The following DAB1 variants were observed in gnomAD, a reference collection of about 807,000 sequenced individuals.
DAB1 encodes DAB adaptor protein 1.
Under a neutral mutation model 64.6 loss-of-function variants are expected in DAB1, and 15 were observed. The ratio of observed to expected loss-of-function variants is 0.23; its 90% CI spans 0.16 to 0.36. DAB1 has a LOEUF of 0.36. DAB1 is among the 10% of genes least tolerant of loss of function. The probability of loss-of-function intolerance (pLI) is 1.00; values close to 1 mark genes in which losing one functional copy is unlikely to be tolerated. For synonymous variants in DAB1, 235 were observed against 251.9 expected (o/e 0.93, Z 0.64); for missense variants, 596 against 706.7 (o/e 0.84, Z 1.78).
At chr1:57,398,930 A>AT (rs1371643021) in intron 1 of DAB1, among the ~76,000 whole-genome samples, 2 of 151,916 alleles carry the variant, frequency 1.3e-5, no homozygotes, top group Non-Finnish European at 2.9e-5. Context: ...AGGGTTTTGA[A>AT]TGTGTGCTCT....
intron 3 of DAB1, among the ~76,000 whole-genome samples, chr1:58,495,834 A>T (rs1645791316): frequency 6.6e-6 from 1 of 152,240 alleles, no homozygotes; most frequent in East Asian, 1.9e-4. Context: ...TTAGGAGGAA[A>T]GAAATATCTT....
upstream of DAB1, among the ~76,000 whole-genome samples, chr1:57,886,343 G>A (rs974714787): frequency 2.0e-5 from 3 of 152,066 alleles, no homozygotes; most frequent in African/African-American, 7.3e-5. Flanking sequence ...GTTTTTAGTA[G>A]AGACTGGGTT....
At chr1:57,781,124 C>CTATA (rs1650069598) in intron 6 of DAB1, among the ~76,000 whole-genome samples, 6 of 38,892 alleles carry the variant, frequency 1.5e-4, no homozygotes, top group Non-Finnish European at 2.0e-4. Context: ...CTCTCTCTCT[C>CTATA]TCTATATATA....
chr1:57,425,828 C>G (rs2101105295), upstream of DAB1, among the ~76,000 whole-genome samples: 1 of 152,222 alleles, frequency 6.6e-6, no homozygotes, highest in Middle Eastern at 3.4e-3. Context: ...TACAAGTTTT[C>G]CAAAGTTCTA....
Position 58,403,069 on chromosome 1 carries a change from CTCAGAGACAGAGACTAGGAT to C in DAB1, n.258-59686_258-59667del, listed in dbSNP as rs559224874. On this transcript the variant is annotated intron_variant and non_coding_transcript_variant, in intron 3 of 20. Coordinates refer to the DAB1 transcript ENST00000485760. The stretch of plus-strand genomic sequence containing the variant: ...CTTAACAAAAACAGGGAATTTCGAC[CTCAGAGACAGAGACTAGGAT>C]TCATTGCAGTTGAGTTGTGTTAAAG... Among the ~76,000 whole-genome samples the C allele has an allele frequency of 1.2e-3, 190 of 152,232 alleles. 3 individuals carry two copies. Among genetic ancestry groups the C allele is most frequent in the Non-Finnish European group, 2.0e-3 (136 of 68,014 alleles).
intron 1 of DAB1, among the ~76,000 whole-genome samples, chr1:57,362,300 A>G (rs1194442877): frequency 2.0e-5 from 3 of 151,978 alleles, no homozygotes; most frequent in Non-Finnish European, 4.4e-5. Flanking sequence ...AGAGACTAAC[A>G]CACAACATGT....
At chr1:57,136,511 AT>A in intron 4 of DAB1, 31 bp downstream of exon 4, 1 of 1,325,488 alleles carries the variant, frequency 7.5e-7, no homozygotes. Context: ...AATGGATAAA[AT>A]TTCACAATGC....
In DAB1 at chr1:57,002,536, G is replaced by A. The variant is rs540956700; in HGVS notation, c.*16-4408C>T. 5.8e-4 allele frequency among the ~76,000 whole-genome samples: 88 copies of A among 152,302 alleles called. 3 individuals are homozygous for A. In the South Asian group the frequency reaches 6.4e-3, roughly 11 times the overall value. On this transcript the variant is annotated intron_variant, in intron 14 of 14. Coordinates refer to ENST00000371236, the MANE Select transcript of DAB1 (RefSeq NM_001365792.1). ...CCAACAATACTTATCTGGAAGGCAA[G>A]AAGAACAGAGCAAGGCTGAAACCAG...
At chr1:57,885,203 CT>C (rs1257060065), upstream of DAB1, among the ~76,000 whole-genome samples, 4 of 152,114 alleles carry the variant, frequency 2.6e-5, no homozygotes, top group Non-Finnish European at 5.9e-5. Context: ...TTAAGCATAG[CT>C]TTTAGTTTTT....
Position 57,226,652 on chromosome 1 carries a change from T to C in DAB1, c.67+64312A>G, listed in dbSNP as rs144103815. ...CAAAAAGCAAGTCAGATCCTGTCAC[T>C]CAAAAGTGGTTAAAAAAAAAATATA... On this transcript the variant is annotated intron_variant, in intron 2 of 14. Coordinates refer to ENST00000371236, the MANE Select transcript of DAB1 (RefSeq NM_001365792.1). Among the ~76,000 whole-genome samples, 234 of 112,998 alleles carry C rather than the reference T, an allele frequency of 2.1e-3. 2 individuals carry two copies. Among genetic ancestry groups the C allele is most frequent in the African/African-American group, 9.3e-3 (217 of 23,290 alleles). The allele number at this position is 112,998 out of a possible 152,430, so 74.1% of individuals were successfully genotyped here. A position where few individuals can be genotyped will look rare whatever the true frequency, so the allele number is the denominator to read the frequency against.
chr1:57,015,101 T>C lies in DAB1; in HGVS notation c.1226A>G (p.Lys409Arg). 6 of 1,614,212 alleles carry C rather than the reference T, an allele frequency of 3.7e-6. No homozygotes were observed. Among genetic ancestry groups the C allele is most frequent in the Non-Finnish European group, 5.1e-6 (6 of 1,180,044 alleles). ...ATCCTTAAACGTTTCTTTGCCCATT[T>C]TCTGCCTGGGCTTGTCGGTCTGTGG... Reference protein sequence around the residue: ...SSPQTDKPRQKMGKETFKDFQ... With the variant: ...SSPQTDKPRQRMGKETFKDFQ... The change falls in exon 12 of 15, where the codon AAA becomes AGA. Residue 409 changes from lysine (K) to arginine (R), a missense_variant. Lys to Arg is a conservative substitution (Grantham distance 26). Coordinates refer to ENST00000371236, the MANE Select transcript of DAB1 (RefSeq NM_001365792.1).
chr1:58,538,769 G>A (rs1646558061), intron 1 of DAB1: 1 of 727,392 alleles, frequency 1.4e-6, no homozygotes, highest in Non-Finnish European at 2.3e-6. Context: ...TAATATAAAA[G>A]TTTTTATTCT....
In DAB1 at chr1:58,514,277, A is replaced by G. The variant is rs1247902140; in HGVS notation, n.108-8068T>C. Among the ~76,000 whole-genome samples the G allele has an allele frequency of 2.0e-5, 3 of 152,336 alleles. No homozygotes were observed. The East Asian group carries it at 5.8e-4, about 29-fold the overall frequency. On this transcript the variant is annotated intron_variant and non_coding_transcript_variant, in intron 2 of 20. Coordinates refer to the DAB1 transcript ENST00000485760. ...TATTAAATTATAAATTCAGTGGGAT[A>G]TGATATTCATAAAGAATACAGCAGT...
At chr1:57,615,722 G>A (rs1645783952) in intron 7 of DAB1, among the ~76,000 whole-genome samples, 1 of 152,136 alleles carries the variant, frequency 6.6e-6, no homozygotes, top group Non-Finnish European at 1.5e-5. Context: ...CTTTGGAACA[G>A]TCTTGGATTT....
At chr1:57,746,831 AT>A (rs1458251540) in intron 6 of DAB1, among the ~76,000 whole-genome samples, 1 of 151,858 alleles carries the variant, frequency 6.6e-6, no homozygotes, top group African/African-American at 2.4e-5. Context: ...TGAACCCATG[AT>A]GTGGAAGTCA....
intron 3 of DAB1, among the ~76,000 whole-genome samples, chr1:58,476,464 C>T (rs373771863): frequency 1.3e-4 from 20 of 152,234 alleles, no homozygotes; most frequent in Middle Eastern, 6.8e-3. Context: ...ACCCCTTGCA[C>T]GCAGAGCCAG....
chr1:57,499,052 T>G (rs929293551), intron 7 of DAB1, among the ~76,000 whole-genome samples: 4 of 152,254 alleles, frequency 2.6e-5, no homozygotes, highest in Admixed American at 2.6e-4. Flanking sequence ...CTCAGCTCAC[T>G]GCAACCTCCG....
chr1:57,226,661 GT>G (rs1667273825), intron 2 of DAB1, among the ~76,000 whole-genome samples: 1 of 72,632 alleles, frequency 1.4e-5, no homozygotes. Flanking sequence ...CTCAAAAGTG[GT>G]TAAAAAAAAA....
chr1:57,027,288 A>G (rs1023126921), intron 9 of DAB1, among the ~76,000 whole-genome samples: 55 of 152,162 alleles, frequency 3.6e-4, no homozygotes, highest in African/African-American at 1.3e-3. Context: ...GGGAAGAACA[A>G]GGAATAATTG....
Sources: allele counts gnomAD v4.1 joint callset (sites outside exome capture counted in the v4.1 genomes callset), GRCh38; gene constraint gnomAD v4.1.1; transcripts MANE v1.5; gene names NCBI Gene and HGNC (gene_info 2026-07-23, HGNC 2026-07-21).